The following NUDT1 variants were observed in gnomAD, a reference collection of about 807,000 sequenced individuals.
The protein encoded by NUDT1 is oxidized purine nucleoside triphosphate hydrolase.
In NUDT1, 16 loss-of-function variants were observed where a neutral mutation model predicts 11.3. The ratio of observed to expected loss-of-function variants is 1.41; its 90% CI spans 0.96 to 2.15. The LOEUF (loss-of-function observed/expected upper bound fraction) is 2.15. Ranked by LOEUF, NUDT1 falls within the 30% of genes most tolerant of loss-of-function variation. The probability of loss-of-function intolerance (pLI) is 0.00; values close to 1 mark genes in which losing one functional copy is unlikely to be tolerated. For missense variants in NUDT1, 234 were observed against 208.4 expected (o/e 1.12, Z -0.76); for synonymous variants, 101 against 84.4 (o/e 1.20, Z -1.08).
chr7:2,250,151 T>C, intron 3 of NUDT1, 149 bp downstream of exon 3: 2 of 1,044,974 alleles, frequency 1.9e-6, no homozygotes, highest in South Asian at 1.5e-5. Context: ...GTGGGGCCCA[T>C]GAGCCGTGGT....
intron 3 of NUDT1, among the ~76,000 whole-genome samples, chr7:2,250,546 C>A (rs2115068616): frequency 6.6e-6 from 1 of 152,362 alleles, no homozygotes; most frequent in East Asian, 1.9e-4. Context: ...CAAGCTCCAC[C>A]TCCCAGGTTC....
intron 2 of NUDT1, 66 bp from the exon 3 acceptor site, chr7:2,249,791 C>T: frequency 6.3e-7 from 1 of 1,594,814 alleles, no homozygotes; most frequent in Non-Finnish European, 8.5e-7. Context: ...CTCCTCCTCC[C>T]TGCCATCGTG....
At chr7:2,243,000 A>G in intron 1 of NUDT1, 1 of 717,098 alleles carries the variant, frequency 1.4e-6, no homozygotes, top group Non-Finnish European at 2.6e-6. Context: ...TTATGAGTGG[A>G]ATTAGCCCTC....
chr7:2,250,603 G>T (rs35039191), intron 3 of NUDT1, among the ~76,000 whole-genome samples: 2 of 151,634 alleles, frequency 1.3e-5, no homozygotes, highest in Middle Eastern at 6.8e-3. Flanking sequence ...GACTACAGGC[G>T]CCCGCCACCA....
intron 1 of NUDT1, 199 bp downstream of exon 1, chr7:2,242,455 C>T (rs572108578): frequency 5.9e-5 from 29 of 487,438 alleles, no homozygotes; most frequent in African/African-American, 5.7e-4. Flanking sequence ...GGGAGAGAGA[C>T]AAGGAGAGCG....
At chr7:2,242,551 G>C in intron 1 of NUDT1, 1 of 365,090 alleles carries the variant, frequency 2.7e-6, no homozygotes, top group Non-Finnish European at 5.0e-6. Flanking sequence ...ATCAGTGTCG[G>C]GACAAAGTAC....
chr7:2,244,216 C>G (rs887402269), intron 1 of NUDT1, among the ~76,000 whole-genome samples: 3 of 152,192 alleles, frequency 2.0e-5, no homozygotes, highest in Admixed American at 1.3e-4. Flanking sequence ...TGCCTATAAG[C>G]AGGGGGTTCC....
chr7:2,247,693 A>G (rs1303743172), intron 2 of NUDT1, among the ~76,000 whole-genome samples: 1 of 152,252 alleles, frequency 6.6e-6, no homozygotes, highest in Non-Finnish European at 1.5e-5. Context: ...AGAACTGAAC[A>G]GCGTCATCTT....
chr7:2,250,750 G>A lies in NUDT1; in HGVS notation c.299-79G>A, dbSNP rs548773353. Reference sequence around the variant, plus strand: ...TGGGATTACAGGCGTGAGCCACCGCGCCCGGCCAAAAAAAACATGTTTTTT... The same window carrying A: ...TGGGATTACAGGCGTGAGCCACCGCACCCGGCCAAAAAAAACATGTTTTTT... On this transcript the variant is annotated intron_variant, in intron 3 of 3. Coordinates refer to ENST00000356714, the MANE Select transcript of NUDT1 (RefSeq NM_002452.4). 1,349 of 1,541,818 alleles carry A rather than the reference G, an allele frequency of 8.7e-4. 8 individuals carry two copies. The African/African-American group carries it at 9.7e-3, about 11-fold the overall frequency.
intron 2 of NUDT1, chr7:2,249,366 T>C (rs375447101): frequency 9.3e-6 from 2 of 215,038 alleles, no homozygotes; most frequent in South Asian, 6.9e-5. Context: ...GCCCAGAGTA[T>C]AGGGCCCAGG....
intron 2 of NUDT1, 173 bp from the exon 3 acceptor site, chr7:2,249,684 C>T: frequency 6.7e-6 from 5 of 748,084 alleles, no homozygotes; most frequent in South Asian, 1.7e-5. Context: ...GATTCTGAAG[C>T]TCAGCCAGGT....
chr7:2,244,452 A>AG, intron 1 of NUDT1, 111 bp from the exon 2 acceptor site: 2 of 553,138 alleles, frequency 3.6e-6, no homozygotes, highest in Non-Finnish European at 3.2e-6. Flanking sequence ...GTTACAGCAT[A>AG]CCCCCCCGCC....
chr7:2,243,220 G>GT lies in NUDT1; in HGVS notation c.-13+971dup, dbSNP rs1471842905. On this transcript the variant is annotated intron_variant, in intron 1 of 3. Coordinates refer to ENST00000356714, the MANE Select transcript of NUDT1 (RefSeq NM_002452.4). The stretch of plus-strand genomic sequence containing the variant: ...CTGCCCACTATAAAAAACCACTGGG[G>GT]TTTTTTTATAGGCACAGGACGGGGA... 3.9e-5 allele frequency among the ~76,000 whole-genome samples: 6 copies of GT among 152,144 alleles called. No homozygotes were observed. In the East Asian group the frequency reaches 9.6e-4, roughly 24 times the overall value.
intron 2 of NUDT1, chr7:2,249,655 T>C (rs1584645361): frequency 3.1e-6 from 2 of 643,398 alleles, no homozygotes; most frequent in African/African-American, 1.8e-5. Context: ...CCAAAATCAG[T>C]GTCTTCAAAG....
chr7:2,251,125 A>G lies in NUDT1; in HGVS notation c.*124A>G. 9.7e-7 allele frequency: 1 copy of G among 1,026,368 alleles called. No individual in the cohort carries two copies. The allele number at this position is 1,026,368 out of a possible 1,614,324, so 63.6% of individuals were successfully genotyped here. A position where few individuals can be genotyped will look rare whatever the true frequency, so the allele number is the denominator to read the frequency against. On this transcript the variant is annotated 3_prime_UTR_variant, in exon 4 of 4. Transcript: ENST00000356714. ...TCTGGAATTAACTGGATGGAAGGGA[A>G]AATAAAGCTATCTAGCGGTGGTTTT...
In NUDT1 at chr7:2,244,676, CT is replaced by C; in HGVS notation, c.105del (p.Phe35LeufsTer25). 1 of 1,613,400 alleles carries C rather than the reference CT, an allele frequency of 6.2e-7. No homozygotes were observed. The highest frequency in any genetic ancestry group is 8.5e-7 in the Non-Finnish European group (1 of 1,179,784). ...GCTTCGGGGCCGGCCGGTGGAATGG[CT>C]TTGGGGGCAAAGTGCAAGAAGGAGA... ...RGFGAGRWNG[F>X]GGKVQEGETI... On this transcript the variant is annotated frameshift_variant, in exon 2 of 4. Coordinates refer to ENST00000356714, the MANE Select transcript of NUDT1 (RefSeq NM_002452.4). LOFTEE classifies it high-confidence loss of function.
Position 2,242,884 on chromosome 7 carries a change from C to A in NUDT1, c.-13+628C>A, listed in dbSNP as rs1794604427. Reference sequence around the variant, plus strand: ...CTTGTGTTAGTCAGCTGTTAGACTCCCTGCCTTATCGCAAGGACAGAGGGC... The same window carrying A: ...CTTGTGTTAGTCAGCTGTTAGACTCACTGCCTTATCGCAAGGACAGAGGGC... On this transcript the variant is annotated intron_variant, in intron 1 of 3. Coordinates refer to ENST00000356714, the MANE Select transcript of NUDT1 (RefSeq NM_002452.4). The A allele has an allele frequency of 1.0e-5, 7 of 699,744 alleles. No individual in the cohort carries two copies. In the South Asian group the frequency reaches 1.0e-4, roughly 10 times the overall value. 43.3% of individuals were successfully genotyped at this position (699,744 alleles called of 1,614,324 possible).
At chr7:2,244,451 T>TTGGCCCCCC in intron 1 of NUDT1, 112 bp from the exon 2 acceptor site, 1 of 981,626 alleles carries the variant, frequency 1.0e-6, no homozygotes, top group Non-Finnish European at 1.5e-6. Context: ...AGTTACAGCA[T>TTGGCCCCCC]ACCCCCCCGC....
chr7:2,247,102 C>T (rs923477475), intron 2 of NUDT1, among the ~76,000 whole-genome samples: 1 of 152,216 alleles, frequency 6.6e-6, no homozygotes, highest in African/African-American at 2.4e-5. Context: ...ACCAGCACGG[C>T]CCTGGGCTTC....
Sources: gnomAD v4.1 joint callset for allele counts (sites outside exome capture counted in the v4.1 genomes callset) on GRCh38, gnomAD v4.1.1 for gene constraint, MANE v1.5 for transcripts, NCBI Gene and HGNC (gene_info 2026-07-23, HGNC 2026-07-21) for gene names.